The following IRF3 variants were observed in gnomAD, a reference collection of about 807,000 sequenced individuals.
IRF3 encodes interferon regulatory factor 3.
IRF3 carries 29 observed loss-of-function variants against 43.2 expected under a neutral mutation model. That is an observed-to-expected ratio of 0.67 (90% CI 0.50 to 0.91). The LOEUF (loss-of-function observed/expected upper bound fraction) is 0.91. IRF3 is among the 40% of genes least tolerant of loss of function. IRF3 has a pLI of 0.00. For synonymous variants in IRF3, 228 were observed against 233.9 expected (o/e 0.97, Z 0.23); for missense variants, 505 against 559.1 (o/e 0.90, Z 0.98).
At position 49,663,452 on chromosome 19, in the gene IRF3, C is replaced by G; in HGVS notation, c.228G>C (p.Trp76Cys). Residue 76 changes from tryptophan to cysteine, a missense_variant, in exon 3 of 8, where the codon TGG (tryptophan) becomes TGC (cysteine). Transcript: ENST00000377139. ...PGRDKPDLPTWKRNFRSALNR... is the reference protein window; with the variant it reads ...PGRDKPDLPTCKRNFRSALNR... ...TGAGGGCAGAGCGGAAATTCCTCTT[C>G]CAGGTTGGCAGGTCTGGCTTATCCC... The G allele has an allele frequency of 6.2e-7, 1 of 1,614,220 alleles. No homozygotes were observed. Among genetic ancestry groups the G allele is most frequent in the East Asian group, 2.2e-5 (1 of 44,884 alleles).
At position 49,662,629 on chromosome 19, in the gene IRF3, CA is replaced by C. The variant is rs921778685; in HGVS notation, c.409-13del. ...TCCAGAATGTCTTCCTGGAGGGAAA[CA>C]AAAAAAGAGAATCAGGCATTTCCAT... is the stretch of plus-strand genomic sequence containing the variant. On this transcript the variant is annotated splice_polypyrimidine_tract_variant and intron_variant, in intron 4 of 7. Transcript: ENST00000377139. The C allele has an allele frequency of 4.6e-6, 7 of 1,523,178 alleles. No homozygotes were observed. In the Admixed American group the frequency reaches 9.5e-5, roughly 21 times the overall value. The allele number at this position is 1,523,178 out of a possible 1,614,324, so 94.4% of individuals were successfully genotyped here.
intron 2 of IRF3, chr19:49,663,781 C>T (rs1408302926): frequency 7.0e-6 from 3 of 429,980 alleles, no homozygotes; most frequent in Non-Finnish European, 1.3e-5. Flanking sequence ...CTGCAACTTC[C>T]GCCTCCCCGG....
chr19:49,659,771 C>T lies in IRF3; in HGVS notation c.1161G>A (p.Leu387=). 1.2e-6 allele frequency: 2 copies of T among 1,613,152 alleles called. No homozygotes were observed. The highest frequency in any genetic ancestry group is 1.7e-6 in the Non-Finnish European group (2 of 1,179,366). Residue 387 remains leucine (L), a synonymous_variant, in exon 8 of 8, where the codon CTG becomes CTA. Transcript: ENST00000377139. ...AAATGTGCAGGTCCACAGTATTCTC[C>T]AGGGAGGAGGCACCCCCTACCCGGG... ...EMARVGGASS[L]ENTVDLHISN...
In IRF3 at chr19:49,665,831, G is replaced by T. The variant is rs267605590; in HGVS notation, c.-209C>A. ...TAACAGACCCAAAAGCCGATGGGAC[G>T]GCCCGCTGGGCTGTTCCCGCCCCTA... On this transcript the variant is annotated 5_prime_UTR_variant, in exon 1 of 8. Coordinates refer to ENST00000377139, the MANE Select transcript of IRF3 (RefSeq NM_001571.6). 1.3e-6 allele frequency: 2 copies of T among 1,590,230 alleles called. No homozygotes were observed. Among genetic ancestry groups the T allele is most frequent in the Non-Finnish European group, 1.7e-6 (2 of 1,161,118 alleles).
Position 49,662,085 on chromosome 19 carries a change from C to T in IRF3, c.845G>A (p.Trp282Ter), listed in dbSNP as rs1568457452. The part of the protein sequence containing the change: ...LALWRAGQWL[W>*]AQRLGHCHTY... ...GTGGCAGTGCCCCAGCCGCTGGGCC[C>T]AGAGCCACTGCCCGGCCCGCCAGAG... The change falls in exon 6 of 8, where the codon TGG becomes TAG. Residue 282 changes from tryptophan to a stop codon, truncating the protein, a stop_gained. Coordinates refer to ENST00000377139, the MANE Select transcript of IRF3 (RefSeq NM_001571.6). LOFTEE classifies it high-confidence loss of function. 1 of 1,613,794 alleles carries T rather than the reference C, an allele frequency of 6.2e-7. No individual in the cohort carries two copies. Among genetic ancestry groups the T allele is most frequent in the Non-Finnish European group, 8.5e-7 (1 of 1,179,804 alleles).
chr19:49,660,532 A>G (rs2081277213), intron 7 of IRF3, among the ~76,000 whole-genome samples, 181 bp downstream of exon 7: 1 of 152,126 alleles, frequency 6.6e-6, no homozygotes, highest in Non-Finnish European at 1.5e-5. Flanking sequence ...AGAGAGTTCA[A>G]AACAGGTTCT....
In IRF3 at chr19:49,665,626, G is replaced by C. The variant is rs921958033; in HGVS notation, c.-9+5C>G. 1.5e-6 allele frequency: 1 copy of C among 656,082 alleles called. No individual in the cohort carries two copies. The highest frequency in any genetic ancestry group is 2.5e-6 in the Non-Finnish European group (1 of 396,026). The allele number at this position is 656,082 out of a possible 1,614,324, so 40.6% of individuals were successfully genotyped here. On this transcript the variant is annotated splice_donor_5th_base_variant and intron_variant, in intron 1 of 7. Transcript: ENST00000377139. ...CCAACGCTCTCCCGGGCTCTTCCGC[G>C]TTACCTACGATGGAAGGTCGGGGCG...
intron 2 of IRF3, chr19:49,664,312 C>T (rs1228143030): frequency 1.7e-6 from 1 of 588,402 alleles, no homozygotes; most frequent in Admixed American, 2.4e-5. Context: ...TAGTTAGGAA[C>T]CTCAGATTTG....
At chr19:49,664,520 T>G (rs760377317) in intron 2 of IRF3, 154 bp downstream of exon 2, 4 of 1,585,268 alleles carry the variant, frequency 2.5e-6, no homozygotes, top group East Asian at 4.5e-5. Context: ...CGGATCCGGC[T>G]AGCCCCGCCC....
intron 7 of IRF3, among the ~76,000 whole-genome samples, 163 bp from the exon 8 acceptor site, chr19:49,659,996 C>CATATACACACACATAT (rs770396432): frequency 1.7e-5 from 2 of 120,548 alleles, no homozygotes; most frequent in East Asian, 4.3e-4. Context: ...CACACACACA[C>CATATACACACACATAT]ACACACACAC....
At chr19:49,665,352 C>T in intron 1 of IRF3, 1 of 174,852 alleles carries the variant, frequency 5.7e-6, no homozygotes, top group Non-Finnish European at 1.2e-5. Context: ...CAGGACAGAG[C>T]ACGCCCCAGG....
chr19:49,664,361 C>A, intron 2 of IRF3: 1 of 1,031,340 alleles, frequency 9.7e-7, no homozygotes, highest in Non-Finnish European at 1.4e-6. Context: ...AAGAACCATC[C>A]CCCAGTATCT....
rs772194735 is a variant in IRF3, at chr19:49,662,225, G to T, written c.705C>A (p.Asp235Glu). ...GLRLVGSEVG[D>E]RTLPGWPVTL... ...TGACTGGCCATCCAGGCAGCGTCCT[G>T]TCTCCCACTTCGGACCCCACCAGCC... The change falls in exon 6 of 8, where the codon GAC becomes GAA. Residue 235 changes from aspartate to glutamate, a missense_variant. Coordinates refer to ENST00000377139, the MANE Select transcript of IRF3 (RefSeq NM_001571.6). 2 of 1,614,026 alleles carry T rather than the reference G, an allele frequency of 1.2e-6. No individual in the cohort carries two copies. The highest frequency in any genetic ancestry group is 3.3e-5 in the Admixed American group (2 of 60,036).
chr19:49,664,618 C>T (rs753178192), intron 2 of IRF3, 56 bp downstream of exon 2: 1 of 1,606,914 alleles, frequency 6.2e-7, no homozygotes, highest in South Asian at 1.1e-5. Flanking sequence ...CACTAGGAGT[C>T]CTTTCCGCCC....
Position 49,662,326 on chromosome 19 carries a change from A to G in IRF3, c.604T>C (p.Trp202Arg). 2 of 1,613,174 alleles carry G rather than the reference A, an allele frequency of 1.2e-6. No homozygotes were observed. The highest frequency in any genetic ancestry group is 1.7e-6 in the Non-Finnish European group (2 of 1,179,584). ...LKRLLVPGEEWEFEVTAFYRG... is the reference protein window; with the variant it reads ...LKRLLVPGEEREFEVTAFYRG... ...TAGAAGGCTGTCACCTCGAACTCCC[A>G]CTCTGAGCAGCGGCAGCAGCGGCAT... Residue 202 changes from tryptophan to arginine, a missense_variant and splice_region_variant, in exon 6 of 8, where the codon TGG (tryptophan) becomes CGG (arginine). Transcript: ENST00000377139.
chr19:49,665,654 CG>C lies in IRF3; in HGVS notation c.-33del, dbSNP rs2081688591. On this transcript the variant is annotated 5_prime_UTR_variant, in exon 1 of 8. Coordinates refer to ENST00000377139, the MANE Select transcript of IRF3 (RefSeq NM_001571.6). ...ACCTACGATGGAAGGTCGGGGCGTGCGGGCAGCTGGAACCCACCCCTGTCTT... is the reference window on the plus strand; with the variant it reads ...ACCTACGATGGAAGGTCGGGGCGTGCGGCAGCTGGAACCCACCCCTGTCTT... 1 of 830,226 alleles carries C rather than the reference CG, an allele frequency of 1.2e-6. No homozygotes were observed. Among genetic ancestry groups the C allele is most frequent in the African/African-American group, 1.7e-5 (1 of 58,592 alleles). 51.4% of individuals were successfully genotyped at this position (830,226 alleles called of 1,614,324 possible).
chr19:49,660,795 G>A lies in IRF3; in HGVS notation c.1016C>T (p.Ser339Leu), dbSNP rs774859762. Residue 339 changes from serine to leucine, a missense_variant, in exon 7 of 8, where the codon TCA becomes TTA. Physicochemically the swap from Ser to Leu is moderately radical, Grantham distance 145. Transcript: ENST00000377139. ...LITFTEGSGR[S>L]PRYALWFCVG... ...ACAGAACCAGAGGGCATAGCGTGGT[G>A]AGCGTCCGCTTCCTTCCGTGAAGGT... 6.8e-6 allele frequency: 11 copies of A among 1,608,824 alleles called. No individual in the cohort carries two copies. The highest frequency in any genetic ancestry group is 1.7e-5 in the Admixed American group (1 of 59,202).
chr19:49,660,831 G>A lies in IRF3; in HGVS notation c.983-3C>T, dbSNP rs756355719. 6.3e-7 allele frequency: 1 copy of A among 1,589,556 alleles called. No homozygotes were observed. The highest frequency in any genetic ancestry group is 1.3e-5 in the African/African-American group (1 of 74,812). ...TCCTTCCGTGAAGGTAATCAGATCT[G>A]GGGGCCCAGGAGCCTAGTCAGGGAT... On this transcript the variant is annotated splice_region_variant and splice_polypyrimidine_tract_variant and intron_variant, in intron 6 of 7. Transcript: ENST00000377139.
intron 1 of IRF3, 127 bp downstream of exon 1, chr19:49,665,504 G>A: frequency 3.6e-6 from 1 of 276,432 alleles, no homozygotes; most frequent in Non-Finnish European, 6.9e-6. Flanking sequence ...GGCCACTGTA[G>A]CTCCTTCCTT....
Sources: gnomAD v4.1 joint callset for allele counts (sites outside exome capture counted in the v4.1 genomes callset) on GRCh38, gnomAD v4.1.1 for gene constraint, MANE v1.5 for transcripts, NCBI Gene and HGNC (gene_info 2026-07-23, HGNC 2026-07-21) for gene names.